Variants in PCDH15 observed in about 807,000 individuals in gnomAD.
PCDH15 encodes the protein protocadherin-15.
A neutral mutation model predicts 178.5 loss-of-function variants in PCDH15; 129 were observed. The observed-to-expected ratio is 0.72, with a 90% CI of 0.63 to 0.84. The LOEUF is 0.84. Ranked by LOEUF, PCDH15 falls within the 40% of genes least tolerant of loss-of-function variation. The probability of loss-of-function intolerance (pLI) is 0.00; values close to 1 mark genes in which losing one functional copy is unlikely to be tolerated. For missense variants in PCDH15, 2,230 were observed against 2,099.9 expected (o/e 1.06, Z -1.21); for synonymous variants, 800 against 732.0 (o/e 1.09, Z -1.50).
intron 2 of PCDH15, among the ~76,000 whole-genome samples, chr10:55,563,620 G>A (rs1308412685): frequency 6.6e-6 from 1 of 151,248 alleles, no homozygotes; most frequent in African/African-American, 2.4e-5. Context: ...CTCATTTAAA[G>A]AAAACAGATA....
intron 2 of PCDH15, among the ~76,000 whole-genome samples, chr10:55,085,863 C>T (rs945335488): frequency 3.3e-5 from 5 of 151,498 alleles, no homozygotes; most frequent in Non-Finnish European, 7.4e-5. Flanking sequence ...TAGGTAATTT[C>T]AATATCCATG....
intron 2 of PCDH15, among the ~76,000 whole-genome samples, chr10:55,022,427 G>A (rs1840353093): frequency 6.8e-6 from 1 of 147,546 alleles, no homozygotes; most frequent in Non-Finnish European, 1.5e-5. Flanking sequence ...ATTCCAGCCT[G>A]GGTGACAGAG....
At chr10:54,967,537 C>T (rs1300228342) in intron 2 of PCDH15, among the ~76,000 whole-genome samples, 1 of 152,042 alleles carries the variant, frequency 6.6e-6, no homozygotes, top group Non-Finnish European at 1.5e-5. Flanking sequence ...TATTGGGAGG[C>T]TAATTTACAC....
chr10:54,278,027 A>T (rs1450865695), intron 8 of PCDH15, among the ~76,000 whole-genome samples: 1 of 151,588 alleles, frequency 6.6e-6, no homozygotes, highest in East Asian at 1.9e-4. Context: ...CAGGAGAGAG[A>T]TTCAAACTGA....
intron 2 of PCDH15, among the ~76,000 whole-genome samples, chr10:55,533,242 G>C (rs1235421879): frequency 6.6e-6 from 1 of 151,960 alleles, no homozygotes; most frequent in Non-Finnish European, 1.5e-5. Context: ...TCACACAAGT[G>C]AAAGAAACAA....
chr10:54,574,001 T>G (rs2090169300), intron 2 of PCDH15, among the ~76,000 whole-genome samples: 1 of 152,226 alleles, frequency 6.6e-6, no homozygotes, highest in African/African-American at 2.4e-5. Flanking sequence ...TGGTAGTTTC[T>G]TTTGCTTTGC....
chr10:54,699,276 A>G (rs556621727), intron 1 of PCDH15, among the ~76,000 whole-genome samples: 1 of 152,230 alleles, frequency 6.6e-6, no homozygotes, highest in South Asian at 2.1e-4. Context: ...TAAAAAAAAA[A>G]CTAGTCACTT....
chr10:53,872,884 T>C (rs140899191), intron 26 of PCDH15, among the ~76,000 whole-genome samples: 1 of 152,310 alleles, frequency 6.6e-6, no homozygotes, highest in African/African-American at 2.4e-5. Context: ...TATCTGTACT[T>C]ACTTTGACTA....
intron 5 of PCDH15, among the ~76,000 whole-genome samples, chr10:54,347,495 C>T (rs1280686628): frequency 6.6e-6 from 1 of 152,080 alleles, no homozygotes; most frequent in Non-Finnish European, 1.5e-5. Context: ...TTAATGTTTG[C>T]TCAGGGATTT....
chr10:53,925,170 G>C (rs1281017814), intron 25 of PCDH15, among the ~76,000 whole-genome samples: 7 of 152,070 alleles, frequency 4.6e-5, no homozygotes, highest in African/African-American at 1.4e-4. Flanking sequence ...TCTTGCTGCT[G>C]CTCACTCTTT....
chr10:54,728,662 G>T (rs575461349), intron 1 of PCDH15, among the ~76,000 whole-genome samples: 1 of 151,148 alleles, frequency 6.6e-6, no homozygotes, highest in Admixed American at 6.6e-5. Flanking sequence ...TAGACAATGG[G>T]ATTCTATGCC....
In PCDH15 at chr10:54,735,922, C is replaced by T. The variant is rs540400526; in HGVS notation, c.-29+65003G>A. Among the ~76,000 whole-genome samples the T allele has an allele frequency of 2.2e-3, 304 of 138,398 alleles. 11 individuals are homozygous for T. The East Asian group carries it at 0.063, about 28-fold the overall frequency. 90.8% of individuals were successfully genotyped at this position (138,398 alleles called of 152,430 possible). On this transcript the variant is annotated intron_variant, in intron 1 of 37. Coordinates refer to ENST00000644397, the MANE Select transcript of PCDH15 (RefSeq NM_001384140.1). ...GGGAGATATACCTAATGCTAGATGACGAGTTAGTGGGTGCAGCGCACCAGC... is the reference window on the plus strand; with the variant it reads ...GGGAGATATACCTAATGCTAGATGATGAGTTAGTGGGTGCAGCGCACCAGC...
chr10:55,394,084 G>C (rs1182100976), intron 2 of PCDH15, among the ~76,000 whole-genome samples: 1 of 152,042 alleles, frequency 6.6e-6, no homozygotes, highest in African/African-American at 2.4e-5. Context: ...TTTGAAGAGA[G>C]AGCATCTTCA....
chr10:55,275,835 T>C (rs1842581423), intron 1 of PCDH15, among the ~76,000 whole-genome samples: 2 of 151,712 alleles, frequency 1.3e-5, no homozygotes, highest in Admixed American at 6.6e-5. Context: ...CCATTGACTC[T>C]ATTAATCAAT....
chr10:54,585,618 T>TG (rs11396767), intron 2 of PCDH15: 134,876 of 172,824 alleles, frequency 0.78, 53,080 homozygotes, highest in Middle Eastern at 0.84. Context: ...ATATGTGTTT[T>TG]TTTTTTTTTT....
At chr10:54,249,473 G>C (rs558315498) in intron 8 of PCDH15, among the ~76,000 whole-genome samples, 3 of 152,178 alleles carry the variant, frequency 2.0e-5, no homozygotes, top group South Asian at 4.2e-4. Flanking sequence ...TGATATATTT[G>C]TGTCTTGCCT....
intron 2 of PCDH15, among the ~76,000 whole-genome samples, chr10:54,537,763 A>T (rs1349774108): frequency 6.6e-6 from 1 of 151,944 alleles, no homozygotes; most frequent in Non-Finnish European, 1.5e-5. Context: ...TTCTCTGTGC[A>T]GCATTACCAG....
intron 2 of PCDH15, among the ~76,000 whole-genome samples, chr10:55,494,418 T>A (rs1233575394): frequency 1.3e-5 from 2 of 151,872 alleles, no homozygotes; most frequent in East Asian, 3.9e-4. Flanking sequence ...TTTGATTGGA[T>A]TGTTTAATAT....
intron 3 of PCDH15, among the ~76,000 whole-genome samples, chr10:54,434,014 A>G (rs1326845858): frequency 6.6e-6 from 1 of 152,198 alleles, no homozygotes; most frequent in African/African-American, 2.4e-5. Context: ...AGCGATATAG[A>G]TCCACATCTT....
Sources: gnomAD v4.1 joint callset for allele counts (sites outside exome capture counted in the v4.1 genomes callset) on GRCh38, gnomAD v4.1.1 for gene constraint, MANE v1.5 for transcripts, NCBI Gene and HGNC (gene_info 2026-07-23, HGNC 2026-07-21) for gene names.